The following PRDM16 variants were observed in gnomAD, a reference collection of about 807,000 sequenced individuals.
PRDM16 encodes PR/SET domain 16.
PRDM16 carries 23 observed loss-of-function variants against 110.6 expected under a neutral mutation model. The ratio of observed to expected loss-of-function variants is 0.21; its 90% confidence interval spans 0.15 to 0.29. The LOEUF (loss-of-function observed/expected upper bound fraction) is 0.29. PRDM16 is among the 10% of genes least tolerant of loss of function. The probability of loss-of-function intolerance (pLI) is 1.00; values close to 1 mark genes in which losing one functional copy is unlikely to be tolerated. For missense variants in PRDM16, 1,615 were observed against 1,794.3 expected, an observed-to-expected ratio of 0.90 and a Z score of 1.81; for synonymous variants, 799 against 781.8, an observed-to-expected ratio of 1.02 and a Z score of -0.37.
chr1:3,344,495 C>A (rs1024859142), intron 3 of PRDM16, among the ~76,000 whole-genome samples: 15 of 152,272 alleles, frequency 9.9e-5, no homozygotes, highest in Admixed American at 9.8e-4. Context: ...ATTTTTAAAT[C>A]TGCTGATTCT....
At chr1:3,394,120 A>G (rs1643345713) in intron 4 of PRDM16, among the ~76,000 whole-genome samples, 1 of 151,316 alleles carries the variant, frequency 6.6e-6, no homozygotes, top group African/African-American at 2.4e-5. Flanking sequence ...GATTGGGGGA[A>G]GAGGTGGGGG....
chr1:3,273,976 T>TAAAAAAAAAAAAAAAAAAAAAAAA (rs927412647), intron 3 of PRDM16, among the ~76,000 whole-genome samples: 1 of 68,538 alleles, frequency 1.5e-5, no homozygotes, highest in Admixed American at 1.6e-4. Context: ...TATGGGGAGG[T>TAAAAAAAAAAAAAAAAAAAAAAAA]AAAAAAAAAA....
At chr1:3,132,611 C>G (rs959587667) in intron 1 of PRDM16, among the ~76,000 whole-genome samples, 1 of 152,232 alleles carries the variant, frequency 6.6e-6, no homozygotes, top group Non-Finnish European at 1.5e-5. Flanking sequence ...GTCTCTCTGA[C>G]AGATCTGGAG....
intron 3 of PRDM16, among the ~76,000 whole-genome samples, chr1:3,279,762 C>T (rs1486121855): frequency 1.3e-5 from 2 of 152,132 alleles, no homozygotes; most frequent in Admixed American, 1.3e-4. Context: ...CCTCCTGCCC[C>T]TTTCCCCATT....
chr1:3,435,649 G>C lies in PRDM16; in HGVS notation c.*1838G>C, dbSNP rs1638886556. 1 of 232,936 alleles carries C rather than the reference G, an allele frequency of 4.3e-6. No individual in the cohort carries two copies. The highest frequency in any genetic ancestry group is 5.6e-5 in the Admixed American group (1 of 17,772). The allele number at this position is 232,936 out of a possible 1,614,324, so 14.4% of individuals were successfully genotyped here. ...GGAGTGGTGCAAGCCGCCTTGGTGTGGGTTTGTGTCACGTGTGGACATCTC... is the reference window on the plus strand; with the variant it reads ...GGAGTGGTGCAAGCCGCCTTGGTGTCGGTTTGTGTCACGTGTGGACATCTC... On this transcript the variant is annotated 3_prime_UTR_variant, in exon 17 of 17. Transcript: ENST00000270722.
rs1207950682 is a variant in PRDM16, at chr1:3,434,336, T to C, written c.*525T>C. 8.6e-6 allele frequency: 2 copies of C among 232,690 alleles called. No individual in the cohort carries two copies. The highest frequency in any genetic ancestry group is 6.1e-5 in the East Asian group (1 of 16,436). The allele number at this position is 232,690 out of a possible 1,614,324, so 14.4% of individuals were successfully genotyped here. On this transcript the variant is annotated 3_prime_UTR_variant, in exon 17 of 17. Coordinates refer to ENST00000270722, the MANE Select transcript of PRDM16 (RefSeq NM_022114.4). ...ATTTTTTAAAAATCAAAAAATGACT[T>C]GCAAATTGTTTTTTAAAAGTAATTT...
Position 3,069,350 on chromosome 1 carries a change from C to G in PRDM16, c.37+54C>G. ...GCCGCCGGGGCCCGGGCCGCCGGGC[C>G]GGGGCGCCCGGGCCAGGGGTGCGCG... On this transcript the variant is annotated intron_variant, in intron 1 of 16. Coordinates refer to ENST00000270722, the MANE Select transcript of PRDM16 (RefSeq NM_022114.4). The surrounding 1 kb of genome is among the most constrained non-coding windows in gnomAD (Gnocchi z 6.1). 1.1e-6 allele frequency: 1 copy of G among 920,420 alleles called. No homozygotes were observed. The highest frequency in any genetic ancestry group is 4.8e-5 in the South Asian group (1 of 20,628). The allele number at this position is 920,420 out of a possible 1,614,324, so 57.0% of individuals were successfully genotyped here.
At chr1:3,172,809 G>A (rs78246987) in intron 1 of PRDM16, among the ~76,000 whole-genome samples, 1,980 of 152,332 alleles carry the variant, frequency 0.013, 76 homozygotes, top group East Asian at 0.11. Context: ...GAGAGTGTCT[G>A]TGGGGTAGAC....
chr1:3,089,531 C>T (rs367909080), intron 1 of PRDM16, among the ~76,000 whole-genome samples: 9 of 152,264 alleles, frequency 5.9e-5, no homozygotes, highest in East Asian at 1.9e-4. Flanking sequence ...AATAAACCCC[C>T]GCCAAGCATC....
Position 3,201,566 on chromosome 1 carries a change from G to A in PRDM16, c.387+15092G>A, listed in dbSNP as rs1165798145. On this transcript the variant is annotated intron_variant, in intron 2 of 16. Transcript: ENST00000270722. This position sits in a 1 kb window ranked among gnomAD's most constrained non-coding sequence, Gnocchi z 4.1. ...GTGGGGAGGACAGGAGGGCCACCCG[G>A]GGCAGCTGCCCTCTGAGGGACTTTT... 1.3e-5 allele frequency among the ~76,000 whole-genome samples: 2 copies of A among 152,212 alleles called. No homozygotes were observed. Among genetic ancestry groups the A allele is most frequent in the African/African-American group, 2.4e-5 (1 of 41,454 alleles).
rs183582485 is a variant in PRDM16 at position 3,158,673 on chromosome 1, C to G, written c.38-27452C>G. 9.4e-3 allele frequency among the ~76,000 whole-genome samples: 1,431 copies of G among 151,764 alleles called. 13 individuals carry two copies. Among genetic ancestry groups the G allele is most frequent in the South Asian group, 0.021 (99 of 4,804 alleles). The stretch of plus-strand genomic sequence containing the variant: ...TTTTCTTTTTCTTTTTTCTCTCTTT[C>G]TTTCTTTCTTTCTCTTTCTCTTTTT... On this transcript the variant is annotated intron_variant, in intron 1 of 16. Coordinates refer to ENST00000270722, the MANE Select transcript of PRDM16 (RefSeq NM_022114.4).
rs980626939 is a variant in PRDM16, at chr1:3,143,729, G to A, written c.38-42396G>A. Reference sequence around the variant, plus strand: ...TGACCTCAGGTGATCCTCCCGCCTCGGCCTCCCAAAGTGCTGGGATCACAG... The same window carrying A: ...TGACCTCAGGTGATCCTCCCGCCTCAGCCTCCCAAAGTGCTGGGATCACAG... On this transcript the variant is annotated intron_variant, in intron 1 of 16. Transcript: ENST00000270722. The surrounding 1 kb of genome is among the most constrained non-coding windows in gnomAD (Gnocchi z 4.5). Among the ~76,000 whole-genome samples, 53 of 152,236 alleles carry A rather than the reference G, an allele frequency of 3.5e-4. No individual in the cohort carries two copies. The highest frequency in any genetic ancestry group is 9.4e-4 in the African/African-American group (39 of 41,534).
intron 1 of PRDM16, among the ~76,000 whole-genome samples, chr1:3,102,354 T>G (rs1178360791): frequency 6.6e-6 from 1 of 152,198 alleles, no homozygotes; most frequent in Admixed American, 6.5e-5. Flanking sequence ...CCTACAGCAG[T>G]CTTCCAGGAT....
At chr1:3,232,653 G>A (rs955573209) in intron 2 of PRDM16, among the ~76,000 whole-genome samples, 1 of 152,204 alleles carries the variant, frequency 6.6e-6, no homozygotes, top group Non-Finnish European at 1.5e-5. Context: ...GCCAAGGGGG[G>A]TAGTGACACT....
intron 3 of PRDM16, among the ~76,000 whole-genome samples, chr1:3,275,036 AG>A (rs1453272343): frequency 6.6e-6 from 1 of 152,216 alleles, no homozygotes; most frequent in African/African-American, 2.4e-5. Flanking sequence ...AGCATCCCCC[AG>A]CCCAGCAGGA....
Position 3,373,406 on chromosome 1 carries a change from ACC to A in PRDM16, c.439-11745_439-11744del, listed in dbSNP as rs564433439. 5.5e-3 allele frequency among the ~76,000 whole-genome samples: 829 copies of A among 152,056 alleles called. 7 individuals are homozygous for A. The highest frequency in any genetic ancestry group is 0.019 in the African/African-American group (800 of 41,498). ...AGTAGACACTGTGGAGACTCCAGAC[ACC>A]TCCTCGGGGAGCCAGGGGGTTCGGG... On this transcript the variant is annotated intron_variant, in intron 3 of 16. Coordinates refer to ENST00000270722, the MANE Select transcript of PRDM16 (RefSeq NM_022114.4).
chr1:3,385,883 C>A (rs1643187177), intron 4 of PRDM16, among the ~76,000 whole-genome samples: 1 of 152,180 alleles, frequency 6.6e-6, no homozygotes, highest in East Asian at 1.9e-4. Context: ...GCTGAGGAGC[C>A]CCCTAAGCTC....
chr1:3,328,491 A>C (rs1029020437), intron 3 of PRDM16, among the ~76,000 whole-genome samples: 1 of 152,118 alleles, frequency 6.6e-6, no homozygotes, highest in Admixed American at 6.5e-5. Flanking sequence ...CGGGGCTCTT[A>C]GGAAAGCAGG....
intron 3 of PRDM16, among the ~76,000 whole-genome samples, 161 bp from the exon 4 acceptor site, chr1:3,384,991 G>A (rs1160615782): frequency 3.3e-5 from 5 of 152,210 alleles, no homozygotes; most frequent in South Asian, 4.1e-4. Flanking sequence ...GGCTGGGTGG[G>A]CTGGGAGCCC....
Sources: gnomAD v4.1 joint callset for allele counts (sites outside exome capture counted in the v4.1 genomes callset) on GRCh38, gnomAD v4.1.1 for gene constraint, Gnocchi (gnomAD v3.1) non-coding constraint, MANE v1.5 for transcripts, NCBI Gene and HGNC (gene_info 2026-07-23, HGNC 2026-07-21) for gene names.